Variants in PRMT8 observed in about 807,000 individuals in gnomAD.
PRMT8 encodes protein arginine N-methyltransferase 8.
Under a neutral mutation model 47.1 loss-of-function variants are expected in PRMT8, and 7 were observed. That is an observed-to-expected ratio of 0.15 (90% CI 0.08 to 0.28). The LOEUF is 0.28. Among genes scored for constraint, PRMT8 ranks in the 10% least tolerant of loss-of-function variants. The pLI, the probability that PRMT8 is intolerant of heterozygous loss-of-function variation, is 1.00. For missense variants in PRMT8, 237 were observed against 505.4 expected, an observed-to-expected ratio of 0.47 and a Z score of 5.09; for synonymous variants, 188 against 186.5, an observed-to-expected ratio of 1.01 and a Z score of -0.07.
rs1382398096 is a variant in PRMT8, at chr12:3,580,307, G to A, written c.829-2751G>A. Among the ~76,000 whole-genome samples the A allele has an allele frequency of 2.6e-5, 4 of 151,702 alleles. No homozygotes were observed. On this transcript the variant is annotated intron_variant, in intron 7 of 9. Transcript: ENST00000382622. The surrounding 1 kb of genome is among the most constrained non-coding windows in gnomAD (Gnocchi z 4.6). ...TCTGACAGCAAGATCCTTTAGAGGT[G>A]GAATTCCTGCCAGATGGGGGGTGCG...
At chr12:3,450,647 T>C (rs1039675804) in intron 1 of PRMT8, among the ~76,000 whole-genome samples, 2 of 152,214 alleles carry the variant, frequency 1.3e-5, no homozygotes, top group Non-Finnish European at 2.9e-5. Flanking sequence ...TAATGTTCCA[T>C]GTAAAAAGTG....
rs954429668 is a variant in PRMT8, at chr12:3,436,354, A to T, written c.48+54912A>T. On this transcript the variant is annotated intron_variant, in intron 1 of 9. Transcript: ENST00000452611. The surrounding 1 kb of genome is among the most constrained non-coding windows in gnomAD (Gnocchi z 4.2). ...GACACAGTGAGTGACTTTCAAGTTC[A>T]TGCCTTTGAAAGGCAAAAGCTCCTC... Among the ~76,000 whole-genome samples, 3 of 152,198 alleles carry T rather than the reference A, an allele frequency of 2.0e-5. No individual in the cohort carries two copies. Among genetic ancestry groups the T allele is most frequent in the Admixed American group, 6.5e-5 (1 of 15,286 alleles).
chr12:3,400,873 G>A (rs1371856796), intron 1 of PRMT8, among the ~76,000 whole-genome samples: 1 of 151,984 alleles, frequency 6.6e-6, no homozygotes, highest in African/African-American at 2.4e-5. Flanking sequence ...TTGGCCAAGT[G>A]TGGTGGCTCA....
rs770546321 is a variant in PRMT8 at position 3,564,420 on chromosome 12, A to T, written c.482-4286A>T. On this transcript the variant is annotated intron_variant, in intron 4 of 9. Coordinates refer to ENST00000382622, the MANE Select transcript of PRMT8 (RefSeq NM_019854.5). This position sits in a 1 kb window ranked among gnomAD's most constrained non-coding sequence, Gnocchi z 4.0. ...TGTTTAAAAACAAAAATGACCATTAATGAGAATGACTAGATTTCTGTAAGA... is the reference window on the plus strand; with the variant it reads ...TGTTTAAAAACAAAAATGACCATTATTGAGAATGACTAGATTTCTGTAAGA... Among the ~76,000 whole-genome samples, 7 of 152,248 alleles carry T rather than the reference A, an allele frequency of 4.6e-5. No homozygotes were observed. The highest frequency in any genetic ancestry group is 8.8e-5 in the Non-Finnish European group (6 of 68,038).
chr12:3,579,056 G>A (rs914829482), intron 7 of PRMT8, among the ~76,000 whole-genome samples: 1 of 152,142 alleles, frequency 6.6e-6, no homozygotes, highest in African/African-American at 2.4e-5. Context: ...TGTCCCTGAA[G>A]CCTCTTCCTC....
intron 1 of PRMT8, among the ~76,000 whole-genome samples, chr12:3,388,663 C>G (rs1468439663): frequency 6.6e-6 from 1 of 152,162 alleles, no homozygotes; most frequent in Admixed American, 6.5e-5. Context: ...GAAACTTGCT[C>G]AATGTCTCAC....
At chr12:3,491,890 T>TGTGTGTG (rs1865415257) in intron 1 of PRMT8, among the ~76,000 whole-genome samples, 190 bp downstream of exon 1, 1 of 9,728 alleles carries the variant, frequency 1.0e-4, no homozygotes, top group Non-Finnish European at 2.0e-4. Context: ...GTGTGTGTGT[T>TGTGTGTG]GGTGGGGGGT....
chr12:3,404,853 T>C (rs1217339091), intron 1 of PRMT8, among the ~76,000 whole-genome samples: 1 of 152,236 alleles, frequency 6.6e-6, no homozygotes, highest in East Asian at 1.9e-4. Context: ...ATAATTGTGA[T>C]AGCTTTCTGG....
intron 1 of PRMT8, among the ~76,000 whole-genome samples, chr12:3,480,693 C>T (rs938815575): frequency 6.6e-6 from 1 of 152,106 alleles, no homozygotes; most frequent in African/African-American, 2.4e-5. Context: ...TCTCTGATGC[C>T]TATAGTCCAC....
Position 3,583,220 on chromosome 12 carries a change from G to A in PRMT8, c.979+12G>A, listed in dbSNP as rs1246433823. The A allele has an allele frequency of 1.2e-6, 2 of 1,604,638 alleles. No homozygotes were observed. Among genetic ancestry groups the A allele is most frequent in the African/African-American group, 1.3e-5 (1 of 74,858 alleles). On this transcript the variant is annotated intron_variant, in intron 8 of 9. Transcript: ENST00000382622. The surrounding 1 kb of genome is among the most constrained non-coding windows in gnomAD (Gnocchi z 4.7). ...GGGGTTTTCCACAGGTGAGCTGTTT[G>A]TTGCTTCCCAGAGCCTCCTCCCTCT... is the stretch of plus-strand genomic sequence containing the variant.
At chr12:3,457,853 TTTTTTTTTTTTTTA>T (rs1049564805) in intron 1 of PRMT8, among the ~76,000 whole-genome samples, 1 of 58,246 alleles carries the variant, frequency 1.7e-5, no homozygotes, top group African/African-American at 4.7e-5. Flanking sequence ...TTTTTTTTTT[TTTTTTTTTTTTTTA>T]AGACAGCGTT....
intron 1 of PRMT8, among the ~76,000 whole-genome samples, chr12:3,479,137 G>A (rs937765101): frequency 3.4e-4 from 52 of 152,194 alleles, no homozygotes; most frequent in African/African-American, 1.2e-3. Flanking sequence ...TTAAAAATTC[G>A]TAGGTTATTA....
chr12:3,388,231 G>T lies in PRMT8; in HGVS notation c.48+6789G>T, dbSNP rs563994079. Among the ~76,000 whole-genome samples, 14 of 152,216 alleles carry T rather than the reference G, an allele frequency of 9.2e-5. No homozygotes were observed. The East Asian group carries it at 1.9e-3, about 21-fold the overall frequency. ...ACATTGACAGTTTTGAAGAGTTCAAGCTTCTTGTTTTGCAAAATCCCTTTA... is the reference window on the plus strand; with the variant it reads ...ACATTGACAGTTTTGAAGAGTTCAATCTTCTTGTTTTGCAAAATCCCTTTA... On this transcript the variant is annotated intron_variant, in intron 1 of 9. Transcript: ENST00000452611.
At chr12:3,434,224 C>A (rs1864713517) in intron 1 of PRMT8, among the ~76,000 whole-genome samples, 1 of 152,090 alleles carries the variant, frequency 6.6e-6, no homozygotes, top group African/African-American at 2.4e-5. Flanking sequence ...GGTAAGGTAG[C>A]CCAGACAGGA....
At chr12:3,496,883 A>G (rs561814370) in intron 1 of PRMT8, among the ~76,000 whole-genome samples, 4 of 151,396 alleles carry the variant, frequency 2.6e-5, no homozygotes, top group Admixed American at 2.6e-4. Context: ...TCAGTCCTTA[A>G]GTGAGCTCAG....
At chr12:3,561,592 C>T (rs1866638995) in intron 4 of PRMT8, among the ~76,000 whole-genome samples, 2 of 152,186 alleles carry the variant, frequency 1.3e-5, no homozygotes, top group South Asian at 4.1e-4. Context: ...GGCTGCTCTA[C>T]ATTAGGCTCT....
chr12:3,393,417 C>A lies in PRMT8; in HGVS notation c.48+11975C>A, dbSNP rs551038980. Among the ~76,000 whole-genome samples, 442 of 151,110 alleles carry A rather than the reference C, an allele frequency of 2.9e-3. 1 individual carries two copies. The highest frequency in any genetic ancestry group is 9.2e-3 in the African/African-American group (378 of 40,976). On this transcript the variant is annotated intron_variant, in intron 1 of 9. Coordinates refer to the PRMT8 transcript ENST00000452611. ...AAGGTGTAAGGAAGGGATCCAGTTT[C>A]AGCTTTCTACATATGGCTAGCCAGT...
intron 1 of PRMT8, among the ~76,000 whole-genome samples, chr12:3,527,395 G>A (rs1294488666): frequency 6.6e-6 from 1 of 152,116 alleles, no homozygotes; most frequent in Non-Finnish European, 1.5e-5. Flanking sequence ...TCCTCGGTAG[G>A]TGGAAAGTGA....
At chr12:3,423,915 A>C (rs1164621855) in intron 1 of PRMT8, among the ~76,000 whole-genome samples, 1 of 152,172 alleles carries the variant, frequency 6.6e-6, no homozygotes, top group Admixed American at 6.5e-5. Context: ...GGACCCAGAA[A>C]TTATTAGGGT....
Sources: allele counts gnomAD v4.1 joint callset (sites outside exome capture counted in the v4.1 genomes callset), GRCh38; gene constraint gnomAD v4.1.1; non-coding constraint Gnocchi (gnomAD v3.1); transcripts MANE v1.5; gene names NCBI Gene and HGNC (gene_info 2026-07-23, HGNC 2026-07-21).